PPFIA2: variants seen among roughly 807,000 people sequenced by gnomAD.
PPFIA2 encodes the protein liprin-alpha-2.
In PPFIA2, 46 loss-of-function variants were observed where a neutral mutation model predicts 175.5. The observed-to-expected ratio is 0.26, with a 90% CI of 0.21 to 0.34. The LOEUF is 0.34. PPFIA2 is among the 10% of genes least tolerant of loss of function. The pLI is 1.00. For missense variants in PPFIA2, 1,179 were observed against 1,506.1 expected (o/e 0.78, Z 3.60); for synonymous variants, 568 against 511.4 (o/e 1.11, Z -1.49).
chr12:81,484,742 T>G (rs1381445082), intron 4 of PPFIA2, among the ~76,000 whole-genome samples: 1 of 151,958 alleles, frequency 6.6e-6, no homozygotes, highest in Non-Finnish European at 1.5e-5. Context: ...ACTTCATATG[T>G]TAAATATCTT....
intron 27 of PPFIA2, among the ~76,000 whole-genome samples, chr12:81,280,832 T>G (rs1038409184): frequency 6.6e-6 from 1 of 152,134 alleles, no homozygotes; most frequent in Non-Finnish European, 1.5e-5. Context: ...GAACAATTTC[T>G]TCTCAAAATT....
intron 4 of PPFIA2, among the ~76,000 whole-genome samples, chr12:81,482,259 G>A (rs1196769922): frequency 6.6e-6 from 1 of 152,182 alleles, no homozygotes; most frequent in African/African-American, 2.4e-5. Context: ...AGAGGATGTG[G>A]AGAAATAGGA....
intron 3 of PPFIA2, among the ~76,000 whole-genome samples, chr12:81,706,201 ATTCT>A (rs1160319602): frequency 6.6e-6 from 1 of 152,188 alleles, no homozygotes; most frequent in African/African-American, 2.4e-5. Context: ...AGTTTGCAAA[ATTCT>A]TTCTAAAACA....
intron 5 of PPFIA2, among the ~76,000 whole-genome samples, chr12:81,457,513 A>C (rs989816191): frequency 2.6e-5 from 4 of 152,156 alleles, no homozygotes; most frequent in Non-Finnish European, 4.4e-5. Context: ...AAATAAAGTA[A>C]AGGCCAGAAG....
chr12:81,284,240 C>T lies in PPFIA2; in HGVS notation c.2988+1G>A. On this transcript the variant is annotated splice_donor_variant, in intron 25 of 32. Transcript: ENST00000549396. LOFTEE classifies it high-confidence loss of function. ...GGTTCAACAAAGCCATTAAGACTAACCGTTTTTGCTGGAGCTGCAAGATTT... is the reference window on the plus strand; with the variant it reads ...GGTTCAACAAAGCCATTAAGACTAATCGTTTTTGCTGGAGCTGCAAGATTT... 6.3e-7 allele frequency: 1 copy of T among 1,579,958 alleles called. No individual in the cohort carries two copies. Among genetic ancestry groups the T allele is most frequent in the Non-Finnish European group, 8.7e-7 (1 of 1,152,670 alleles).
chr12:81,469,094 A>T (rs2056274543), intron 4 of PPFIA2, among the ~76,000 whole-genome samples: 1 of 152,200 alleles, frequency 6.6e-6, no homozygotes, highest in African/African-American at 2.4e-5. Context: ...CAAATGTTCA[A>T]ATAATGTAAC....
chr12:81,347,741 T>C lies in PPFIA2; in HGVS notation c.2024A>G (p.Glu675Gly), dbSNP rs764147040. The C allele has an allele frequency of 4.3e-6, 7 of 1,613,734 alleles. No homozygotes were observed. The highest frequency in any genetic ancestry group is 5.9e-6 in the Non-Finnish European group (7 of 1,179,812). ...RLIQEEKEST[E>G]LRAEEIENRV... The stretch of plus-strand genomic sequence containing the variant: ...ATTTTCAATTTCTTCAGCACGCAAC[T>C]CTGTAGATTCTTTTTCTTCCTGAAT... Residue 675 changes from glutamate (E) to glycine (G), a missense_variant, in exon 18 of 33, where the codon GAG (glutamate) becomes GGG (glycine). Physicochemically the swap from Glu to Gly is moderately conservative, Grantham distance 98 (BLOSUM62 -2). Coordinates refer to ENST00000549396, the MANE Select transcript of PPFIA2 (RefSeq NM_003625.5).
intron 4 of PPFIA2, among the ~76,000 whole-genome samples, chr12:81,496,474 G>A (rs2060038457): frequency 6.6e-6 from 1 of 152,106 alleles, no homozygotes; most frequent in Admixed American, 6.6e-5. Context: ...ACTTTCTGAA[G>A]TCACTGAAGA....
At chr12:81,583,736 C>T (rs919795463) in intron 4 of PPFIA2, among the ~76,000 whole-genome samples, 1 of 151,716 alleles carries the variant, frequency 6.6e-6, no homozygotes, top group African/African-American at 2.4e-5. Flanking sequence ...GGAATGGCAT[C>T]CCTAAAGATC....
intron 4 of PPFIA2, among the ~76,000 whole-genome samples, chr12:81,458,803 T>C (rs1425868584): frequency 1.3e-5 from 2 of 152,114 alleles, no homozygotes; most frequent in African/African-American, 2.4e-5. Flanking sequence ...ATATAGTAAA[T>C]AGATCCATAT....
Position 81,573,658 on chromosome 12 carries a change from G to A in PPFIA2, c.303+103133C>T, listed in dbSNP as rs572404253. ...TTTAACCACCACAATCATGAAGCAC[G>A]CCTCTATCTCCCCAACTATGAATGT... On this transcript the variant is annotated intron_variant, in intron 4 of 32. Coordinates refer to ENST00000549396, the MANE Select transcript of PPFIA2 (RefSeq NM_003625.5). Among the ~76,000 whole-genome samples, 8 of 151,872 alleles carry A rather than the reference G, an allele frequency of 5.3e-5. No individual in the cohort carries two copies. The South Asian group carries it at 6.2e-4, about 12-fold the overall frequency.
chr12:81,460,716 G>T (rs1025589287), intron 4 of PPFIA2, among the ~76,000 whole-genome samples: 1 of 152,022 alleles, frequency 6.6e-6, no homozygotes, highest in African/African-American at 2.4e-5. Context: ...ATCTTACAAA[G>T]ATACCACTAA....
chr12:81,624,281 T>C (rs2153485455), intron 4 of PPFIA2, among the ~76,000 whole-genome samples: 1 of 151,516 alleles, frequency 6.6e-6, no homozygotes, highest in African/African-American at 2.4e-5. Flanking sequence ...TTAATCTCTA[T>C]ATACTCCATT....
At chr12:81,531,413 A>G (rs1192082681) in intron 4 of PPFIA2, among the ~76,000 whole-genome samples, 1 of 151,780 alleles carries the variant, frequency 6.6e-6, no homozygotes, top group Non-Finnish European at 1.5e-5. Context: ...CACATGCAGA[A>G]AAAAGGAAAC....
At chr12:81,731,728 A>C (rs1457350214) in intron 3 of PPFIA2, among the ~76,000 whole-genome samples, 1 of 151,674 alleles carries the variant, frequency 6.6e-6, no homozygotes, top group Non-Finnish European at 1.5e-5. Flanking sequence ...CTATCTTTGC[A>C]AACTAGAGAA....
intron 7 of PPFIA2, among the ~76,000 whole-genome samples, chr12:81,418,115 G>GA (rs2045636135): frequency 6.6e-6 from 1 of 151,726 alleles, no homozygotes; most frequent in Non-Finnish European, 1.5e-5. Flanking sequence ...AAGGTAAAAA[G>GA]AAAAAGGAAA....
intron 4 of PPFIA2, among the ~76,000 whole-genome samples, chr12:81,556,813 C>G (rs530708605): frequency 6.6e-6 from 1 of 151,964 alleles, no homozygotes; most frequent in South Asian, 2.1e-4. Flanking sequence ...CTGAAATTCA[C>G]CATCAATCTA....
At chr12:81,527,361 G>T (rs964632180) in intron 4 of PPFIA2, among the ~76,000 whole-genome samples, 5 of 133,692 alleles carry the variant, frequency 3.7e-5, no homozygotes, top group Non-Finnish European at 8.0e-5. Context: ...TACACCCCGG[G>T]GAGCTCCATT....
At chr12:81,559,002 T>A (rs1204467295) in intron 4 of PPFIA2, among the ~76,000 whole-genome samples, 2 of 152,224 alleles carry the variant, frequency 1.3e-5, no homozygotes, top group East Asian at 3.8e-4. Context: ...GCTAGCTTAA[T>A]CTATTTTCTT....
Sources: allele counts gnomAD v4.1 joint callset (sites outside exome capture counted in the v4.1 genomes callset), GRCh38; gene constraint gnomAD v4.1.1; transcripts MANE v1.5; gene names NCBI Gene and HGNC (gene_info 2026-07-23, HGNC 2026-07-21).